EZH1: variants seen among roughly 807,000 people sequenced by gnomAD.
The protein encoded by EZH1 is histone-lysine N-methyltransferase EZH1.
In EZH1, 33 loss-of-function variants were observed where a neutral mutation model predicts 100.5. The observed-to-expected ratio is 0.33, with a 90% CI of 0.25 to 0.44. EZH1 has a LOEUF of 0.44. Among genes scored for constraint, EZH1 ranks in the 20% least tolerant of loss-of-function variants. The probability of loss-of-function intolerance (pLI) is 1.00; values close to 1 mark genes in which losing one functional copy is unlikely to be tolerated. For synonymous variants in EZH1, 272 were observed against 313.8 expected (o/e 0.87, Z 1.41); for missense variants, 475 against 928.4 (o/e 0.51, Z 6.35).
chr17:42,724,341 GA>G lies in EZH1; in HGVS notation c.329del (p.Ile110ThrfsTer14). The G allele has an allele frequency of 6.2e-7, 1 of 1,614,020 alleles. No homozygotes were observed. The highest frequency in any genetic ancestry group is 8.5e-7 in the Non-Finnish European group (1 of 1,179,936). On this transcript the variant is annotated frameshift_variant, in exon 5 of 21. Transcript: ENST00000428826. LOFTEE classifies it high-confidence loss of function. ...GTTGGAGAGGGGACCAGGAATACAT[GA>G]TGGGAACCAATGCAACTGTGTTCAG... ...RSLNTVALVP[I>X]MYSWSPLQQN... is the part of the protein sequence containing the mutation.
Position 42,718,370 on chromosome 17 carries a change from T to C in EZH1, c.931+84A>G. ...GTTAGAACAGAAGCCAGGAACTCTA[T>C]ACGAGAAACCAGAACAAAGAGAAGG... On this transcript the variant is annotated intron_variant, in intron 9 of 20. Coordinates refer to ENST00000428826, the MANE Select transcript of EZH1 (RefSeq NM_001991.5). The surrounding 1 kb of genome is among the most constrained non-coding windows in gnomAD (Gnocchi z 4.2). 3.2e-6 allele frequency: 5 copies of C among 1,549,928 alleles called. No homozygotes were observed. The highest frequency in any genetic ancestry group is 4.4e-6 in the Non-Finnish European group (5 of 1,140,956).
intron 1 of EZH1, among the ~76,000 whole-genome samples, chr17:42,737,637 CTTTT>C (rs988761087): frequency 1.3e-5 from 2 of 151,752 alleles, no homozygotes; most frequent in African/African-American, 2.4e-5. Flanking sequence ...ACTATTCTTT[CTTTT>C]TTTTCTTTCT....
intron 4 of EZH1, among the ~76,000 whole-genome samples, chr17:42,726,245 G>A (rs144555275): frequency 0.028 from 3,195 of 115,106 alleles, 143 homozygotes; most frequent in African/African-American, 0.1. Flanking sequence ...ACGGAGTCTC[G>A]CTGTCGCCCA....
At position 42,718,445 on chromosome 17, in the gene EZH1, C is replaced by T. The variant is rs777638617; in HGVS notation, c.931+9G>A. 7 of 1,612,778 alleles carry T rather than the reference C, an allele frequency of 4.3e-6. No homozygotes were observed. In the South Asian group the frequency reaches 7.7e-5, roughly 18 times the overall value. On this transcript the variant is annotated intron_variant, in intron 9 of 20. Coordinates refer to ENST00000428826, the MANE Select transcript of EZH1 (RefSeq NM_001991.5). The surrounding 1 kb of genome is among the most constrained non-coding windows in gnomAD (Gnocchi z 4.2). ...AGGAGAGCATTTCAAACAGAGTAGCCCCACTCACGGTGAAGGAAGCAGTCG... is the reference window on the plus strand; with the variant it reads ...AGGAGAGCATTTCAAACAGAGTAGCTCCACTCACGGTGAAGGAAGCAGTCG...
At position 42,708,078 on chromosome 17, in the gene EZH1, A is replaced by G. The variant is rs763625751; in HGVS notation, c.1540T>C (p.Ser514Pro). The change falls in exon 15 of 21, where the codon TCT becomes CCT. Residue 514 changes from serine (S) to proline (P), a missense_variant. This residue lies in a region of EZH1 where 83 missense variants were observed against 142.1 expected (regional missense o/e 0.58). Coordinates refer to ENST00000428826, the MANE Select transcript of EZH1 (RefSeq NM_001991.5). Reference sequence around the variant, plus strand: ...TGGTAGTTGTACACTTGTGTGGAAGAGTTATCTAGGAAAGAAAACAGAGGA... The same window carrying G: ...TGGTAGTTGTACACTTGTGTGGAAGGGTTATCTAGGAAAGAAAACAGAGGA... ...CRKIQLKKDN[S>P]STQVYNYQPC... The G allele has an allele frequency of 5.6e-6, 9 of 1,604,130 alleles. No homozygotes were observed. The highest frequency in any genetic ancestry group is 7.7e-6 in the Non-Finnish European group (9 of 1,175,700).
rs372911103 is a variant in EZH1, at chr17:42,712,502, T to C, written c.1205-17A>G. 2 of 1,606,788 alleles carry C rather than the reference T, an allele frequency of 1.2e-6. No homozygotes were observed. The highest frequency in any genetic ancestry group is 2.7e-5 in the African/African-American group (2 of 74,442). On this transcript the variant is annotated splice_polypyrimidine_tract_variant and intron_variant, in intron 11 of 20. Transcript: ENST00000428826. ...AGTTAGCCTCTGAGAAGGGAAGAAATAACAGAATCAGAAGAAGGTAGAATG... is the reference window on the plus strand; with the variant it reads ...AGTTAGCCTCTGAGAAGGGAAGAAACAACAGAATCAGAAGAAGGTAGAATG...
intron 12 of EZH1, among the ~76,000 whole-genome samples, chr17:42,710,460 T>C (rs576768931): frequency 1.2e-4 from 19 of 152,248 alleles, no homozygotes; most frequent in African/African-American, 4.6e-4. Flanking sequence ...CTATTGGCCC[T>C]TTGTGGGGGA....
intron 1 of EZH1, among the ~76,000 whole-genome samples, chr17:42,739,712 A>G (rs1316383733): frequency 3.9e-5 from 6 of 152,010 alleles, no homozygotes; most frequent in Admixed American, 3.9e-4. Flanking sequence ...GAGCAACAAG[A>G]GTGAAATTCT....
intron 11 of EZH1, among the ~76,000 whole-genome samples, chr17:42,712,985 C>G (rs1328727745): frequency 7.5e-6 from 1 of 133,464 alleles, no homozygotes; most frequent in Admixed American, 8.5e-5. Context: ...TTGCAGTGAG[C>G]CAAGATAGCA....
chr17:42,730,459 G>A (rs1048813540), intron 2 of EZH1, among the ~76,000 whole-genome samples: 75 of 148,364 alleles, frequency 5.1e-4, no homozygotes, highest in Non-Finnish European at 1.0e-3. Flanking sequence ...TTTGAATTAA[G>A]GTTCAACGTT....
At position 42,718,325 on chromosome 17, in the gene EZH1, G is replaced by T; in HGVS notation, c.931+129C>A. Reference sequence around the variant, plus strand: ...CACTATAATTGAGCAAGGGAAAATAGAACTGGCCCTTTGTAAAACGTTAGA... The same window carrying T: ...CACTATAATTGAGCAAGGGAAAATATAACTGGCCCTTTGTAAAACGTTAGA... On this transcript the variant is annotated intron_variant, in intron 9 of 20. Transcript: ENST00000428826. The surrounding 1 kb of genome is among the most constrained non-coding windows in gnomAD (Gnocchi z 4.2). 1.6e-6 allele frequency: 2 copies of T among 1,258,412 alleles called. No individual in the cohort carries two copies. The highest frequency in any genetic ancestry group is 2.2e-6 in the Non-Finnish European group (2 of 918,126). The allele number at this position is 1,258,412 out of a possible 1,614,324, so 78.0% of individuals were successfully genotyped here.
Position 42,718,588 on chromosome 17 carries a change from G to A in EZH1, c.797C>T (p.Pro266Leu). The A allele has an allele frequency of 1.2e-6, 2 of 1,614,180 alleles. No individual in the cohort carries two copies. The highest frequency in any genetic ancestry group is 8.5e-7 in the Non-Finnish European group (1 of 1,180,030). The change falls in exon 9 of 21, where the codon CCC (proline) becomes CTC (leucine). Residue 266 changes from proline (P) to leucine (L), a missense_variant. Transcript: ENST00000428826. The surrounding 1 kb of genome is among the most constrained non-coding windows in gnomAD (Gnocchi z 4.2). ...RYRELTEMSD[P>L]NALPPQCTPN... ...TGTGCACTGAGGGGGAAGTGCATTG[G>A]GGTCTGACATCTCTGTTAGTTCTCG...
chr17:42,740,687 C>T (rs1271486301), intron 1 of EZH1, among the ~76,000 whole-genome samples: 1 of 152,204 alleles, frequency 6.6e-6, no homozygotes, highest in East Asian at 1.9e-4. Context: ...AATCTCCTAA[C>T]AGGCTAGAGC....
At chr17:42,716,013 C>A (rs1239307511) in intron 10 of EZH1, among the ~76,000 whole-genome samples, 9 of 149,822 alleles carry the variant, frequency 6.0e-5, no homozygotes, top group African/African-American at 2.0e-4. Context: ...CACCATTGCA[C>A]TCCAGCCTGG....
chr17:42,703,171 GT>G (rs2053280099), intron 19 of EZH1: 1 of 499,274 alleles, frequency 2.0e-6, no homozygotes, highest in African/African-American at 2.0e-5. Context: ...GGGGTTTTTT[GT>G]TTTGTTTTGT....
At chr17:42,717,892 G>A in intron 10 of EZH1, 84 bp downstream of exon 10, 1 of 1,197,282 alleles carries the variant, frequency 8.4e-7, no homozygotes, top group Non-Finnish European at 1.2e-6. Flanking sequence ...TGTGCTATAT[G>A]ACCCCCAGAG....
chr17:42,715,152 T>A (rs1285573462), intron 10 of EZH1, among the ~76,000 whole-genome samples: 2 of 141,360 alleles, frequency 1.4e-5, no homozygotes, highest in African/African-American at 5.2e-5. Context: ...TATTATATAT[T>A]ATAGATTATA....
Position 42,709,648 on chromosome 17 carries a change from A to G in EZH1, c.1493+198T>C, listed in dbSNP as rs1366905069. On this transcript the variant is annotated intron_variant, in intron 13 of 20. Coordinates refer to ENST00000428826, the MANE Select transcript of EZH1 (RefSeq NM_001991.5). ...GTTATGGTCCACAGCACTGGGGGAC[A>G]AGAAGAGGGCTGATCTAAGGCACAG... The G allele has an allele frequency of 5.5e-6, 3 of 549,996 alleles. No homozygotes were observed. The East Asian group carries it at 9.0e-5, about 16-fold the overall frequency. The allele number at this position is 549,996 out of a possible 1,614,324, so 34.1% of individuals were successfully genotyped here. A position where few individuals can be genotyped will look rare whatever the true frequency, so the allele number is the denominator to read the frequency against.
chr17:42,732,159 G>T (rs1333085748), intron 1 of EZH1, among the ~76,000 whole-genome samples: 1 of 150,848 alleles, frequency 6.6e-6, no homozygotes, highest in East Asian at 2.0e-4. Flanking sequence ...AAAAGGAAAA[G>T]AAAAGAAAAA....
Sources: allele counts gnomAD v4.1 joint callset (sites outside exome capture counted in the v4.1 genomes callset), GRCh38; gene constraint gnomAD v4.1.1; regional missense constraint gnomAD v4.1.1; non-coding constraint Gnocchi (gnomAD v3.1); transcripts MANE v1.5; gene names NCBI Gene and HGNC (gene_info 2026-07-23, HGNC 2026-07-21).